The following KANSL1 variants were observed in gnomAD, a reference collection of about 807,000 sequenced individuals.
The protein encoded by KANSL1 is KAT8 regulatory NSL complex subunit 1, also known as MLL1/MLL complex subunit KANSL1.
A neutral mutation model predicts 103.6 loss-of-function variants in KANSL1; 22 were observed. The observed-to-expected ratio is 0.21, with a 90% CI of 0.15 to 0.30. The LOEUF (loss-of-function observed/expected upper bound fraction) is 0.30, where lower values mean the gene tolerates loss of function less well. Among genes scored for constraint, KANSL1 ranks in the 10% least tolerant of loss-of-function variants. The pLI is 1.00. For synonymous variants in KANSL1, 600 were observed against 527.6 expected, an observed-to-expected ratio of 1.14 and a Z score of -1.88; for missense variants, 1,337 against 1,399.8, an observed-to-expected ratio of 0.96 and a Z score of 0.72.
Position 46,033,387 on chromosome 17 carries a change from A to C in KANSL1, c.2724+16T>G. On this transcript the variant is annotated intron_variant, in intron 12 of 14. Coordinates refer to ENST00000432791, the MANE Select transcript of KANSL1 (RefSeq NM_015443.4). ...TGTACACACGTGTTCTTCTAACAGA[A>C]GAACCAGGCCATTACCTCTTCATTC... The C allele has an allele frequency of 4.3e-6, 7 of 1,613,370 alleles. No individual in the cohort carries two copies. Among genetic ancestry groups the C allele is most frequent in the Non-Finnish European group, 5.9e-6 (7 of 1,179,280 alleles).
intron 3 of KANSL1, among the ~76,000 whole-genome samples, chr17:46,085,412 T>C (rs923427136): frequency 2.6e-5 from 4 of 152,346 alleles, no homozygotes; most frequent in Non-Finnish European, 5.9e-5. Context: ...TGATTGTATC[T>C]TACTTTCTGT....
chr17:46,103,738 CCT>C (rs2042415538), intron 2 of KANSL1, among the ~76,000 whole-genome samples: 1 of 152,264 alleles, frequency 6.6e-6, no homozygotes, highest in South Asian at 2.1e-4. Context: ...TAATTTGACA[CCT>C]CTAGGCTGGC....
upstream of KANSL1, among the ~76,000 whole-genome samples, chr17:46,225,059 G>C (rs1327766924): frequency 6.6e-6 from 1 of 151,494 alleles, no homozygotes; most frequent in Non-Finnish European, 1.5e-5. Flanking sequence ...AGGCCCTCAG[G>C]CCAGTCGGCC....
intron 2 of KANSL1, among the ~76,000 whole-genome samples, chr17:46,111,187 G>A (rs1443273898): frequency 1.3e-5 from 2 of 152,228 alleles, no homozygotes; most frequent in African/African-American, 4.8e-5. Flanking sequence ...ATGTGAATGA[G>A]TGTTCAAACA....
At chr17:46,206,245 T>C (rs2047966290) in intron 1 of KANSL1, among the ~76,000 whole-genome samples, 1 of 152,112 alleles carries the variant, frequency 6.6e-6, no homozygotes, top group Non-Finnish European at 1.5e-5. Context: ...AAAACAAAGT[T>C]GGGGGACTCA....
chr17:46,145,756 T>C (rs2044662566), intron 2 of KANSL1, among the ~76,000 whole-genome samples: 1 of 152,112 alleles, frequency 6.6e-6, no homozygotes, highest in Non-Finnish European at 1.5e-5. Context: ...TTGAGAGGAG[T>C]GACTCTCTGT....
In KANSL1 at chr17:46,171,114, A is replaced by G. The variant is rs2147734860; in HGVS notation, c.1030T>C (p.Leu344=). Residue 344 remains leucine, a synonymous_variant, in exon 2 of 15, where the codon TTG becomes CTG. Transcript: ENST00000432791. The stretch of plus-strand genomic sequence containing the variant: ...GCTTCAGCCTTTCGAGTCAGCATCA[A>G]CTGGCTCCGTGGTCTCAAGGATTCC... ...NLESLRPRSQ[L]MLTRKAEAAL... 3.1e-6 allele frequency: 5 copies of G among 1,614,176 alleles called. No homozygotes were observed. The highest frequency in any genetic ancestry group is 3.4e-6 in the Non-Finnish European group (4 of 1,180,046).
At chr17:46,196,738 TG>T, upstream of KANSL1, 2 of 259,684 alleles carry the variant, frequency 7.7e-6, no homozygotes, top group South Asian at 7.6e-5. Context: ...TGAGTTCTAA[TG>T]TTTTTTAGTA....
At chr17:46,140,554 T>C (rs1023489575) in intron 2 of KANSL1, among the ~76,000 whole-genome samples, 1 of 151,910 alleles carries the variant, frequency 6.6e-6, no homozygotes, top group Non-Finnish European at 1.5e-5. Flanking sequence ...AATTGGACTA[T>C]ATCAAAATTT....
At chr17:46,046,529 A>C (rs1249578792) in intron 7 of KANSL1, among the ~76,000 whole-genome samples, 1 of 35,516 alleles carries the variant, frequency 2.8e-5, no homozygotes, top group Non-Finnish European at 8.4e-5. Context: ...AGACTCTGTC[A>C]AAAAAAAAAA....
intron 11 of KANSL1, 118 bp from the exon 12 acceptor site, chr17:46,033,578 G>T: frequency 1.2e-6 from 1 of 822,362 alleles, no homozygotes; most frequent in Non-Finnish European, 2.1e-6. Context: ...GCTCTCTGCC[G>T]GGTAGGCTCT....
intron 2 of KANSL1, among the ~76,000 whole-genome samples, chr17:46,114,826 T>C (rs1280036898): frequency 1.3e-5 from 2 of 152,234 alleles, no homozygotes; most frequent in African/African-American, 4.8e-5. Context: ...ATCAGACAAG[T>C]GTATAACAGA....
chr17:46,086,059 A>C (rs765601288), intron 3 of KANSL1, among the ~76,000 whole-genome samples: 1 of 152,234 alleles, frequency 6.6e-6, no homozygotes, highest in Non-Finnish European at 1.5e-5. Flanking sequence ...GAGTTGTATA[A>C]TTTTTTTCCT....
intron 1 of KANSL1, among the ~76,000 whole-genome samples, chr17:46,210,956 G>T (rs1446158554): frequency 6.6e-6 from 1 of 152,122 alleles, no homozygotes; most frequent in Non-Finnish European, 1.5e-5. Flanking sequence ...AATTCCAGAA[G>T]GGCACGCTTC....
intron 2 of KANSL1, chr17:46,152,773 T>C (rs1220001811): frequency 1.3e-5 from 2 of 152,214 alleles, no homozygotes; most frequent in African/African-American, 2.4e-5. Flanking sequence ...TTCATCCAAG[T>C]AGCCCTTTTA....
At position 46,150,948 on chromosome 17, in the gene KANSL1, C is replaced by T. The variant is rs541460851; in HGVS notation, c.1289+19907G>A. 4.4e-3 allele frequency among the ~76,000 whole-genome samples: 632 copies of T among 143,798 alleles called. 7 individuals are homozygous for T. The highest frequency in any genetic ancestry group is 0.015 in the African/African-American group (583 of 38,726). The allele number at this position is 143,798 out of a possible 152,430, so 94.3% of individuals were successfully genotyped here. ...CTGTCAAAAAAAAAAAAAAAAAACA[C>T]GAGTATCTTGTGTTCAGCATTATGA... On this transcript the variant is annotated intron_variant, in intron 2 of 14. Transcript: ENST00000432791.
chr17:46,221,815 TC>T (rs1213120138), intron 1 of KANSL1: 2 of 151,724 alleles, frequency 1.3e-5, no homozygotes, highest in East Asian at 3.9e-4. Context: ...ACCTATCATT[TC>T]TTTTTACTTA....
chr17:46,121,710 TG>T (rs1419526153), intron 2 of KANSL1, among the ~76,000 whole-genome samples: 2 of 152,172 alleles, frequency 1.3e-5, no homozygotes, highest in Non-Finnish European at 2.9e-5. Context: ...CTGAGGTTTC[TG>T]GCCTTAAAAA....
At chr17:46,118,175 T>C (rs2043125138) in intron 2 of KANSL1, among the ~76,000 whole-genome samples, 1 of 152,232 alleles carries the variant, frequency 6.6e-6, no homozygotes. Context: ...GAGCACTAAC[T>C]GAGGGTCATG....
Sources: allele counts gnomAD v4.1 joint callset (sites outside exome capture counted in the v4.1 genomes callset), GRCh38; gene constraint gnomAD v4.1.1; transcripts MANE v1.5; gene names NCBI Gene and HGNC (gene_info 2026-07-23, HGNC 2026-07-21).